Variants in HHIP observed in about 807,000 individuals in gnomAD.
HHIP encodes hedgehog interacting protein.
Under a neutral mutation model 74.0 loss-of-function variants are expected in HHIP, and 12 were observed. The ratio of observed to expected loss-of-function variants is 0.16; its 90% confidence interval spans 0.10 to 0.26. The LOEUF (loss-of-function observed/expected upper bound fraction) is 0.26. Ranked by LOEUF, HHIP falls within the 10% of genes least tolerant of loss-of-function variation. The probability of loss-of-function intolerance (pLI) is 1.00; values close to 1 mark genes in which losing one functional copy is unlikely to be tolerated. For synonymous variants in HHIP, 309 were observed against 311.6 expected, an observed-to-expected ratio of 0.99 and a Z score of 0.09; for missense variants, 788 against 845.0, an observed-to-expected ratio of 0.93 and a Z score of 0.84.
In HHIP at chr4:144,712,059, G is replaced by A. The variant is rs765459783; in HGVS notation, c.1411G>A (p.Gly471Arg). The change falls in exon 8 of 13, where the codon GGG (glycine) becomes AGG (arginine). Residue 471 changes from glycine (G) to arginine (R), a missense_variant. By Grantham distance (125) the Gly-to-Arg change is moderately radical. This residue lies in a region of HHIP where 343 missense variants were observed against 347.9 expected (regional missense o/e 0.99). Coordinates refer to ENST00000296575, the MANE Select transcript of HHIP (RefSeq NM_022475.3). Reference protein sequence around the residue: ...SSARILQIIKGKDYESEPSLL... With the variant: ...SSARILQIIKRKDYESEPSLL... ...AGCCAGAATTCTACAGATAATAAAGGGGAAAGATTATGGTATGTAGAGCAT... is the reference window on the plus strand; with the variant it reads ...AGCCAGAATTCTACAGATAATAAAGAGGAAAGATTATGGTATGTAGAGCAT... 4 of 1,612,816 alleles carry A rather than the reference G, an allele frequency of 2.5e-6. No homozygotes were observed. The highest frequency in any genetic ancestry group is 4.5e-5 in the East Asian group (2 of 44,854).
At chr4:144,737,645 A>G in intron 12 of HHIP, 119 bp from the exon 13 acceptor site, 1 of 786,880 alleles carries the variant, frequency 1.3e-6, no homozygotes, top group East Asian at 2.9e-5. Flanking sequence ...TTTTGTAACT[A>G]TCTCCCTCCT....
Position 144,724,773 on chromosome 4 carries a change from C to A in HHIP, c.1760+5817C>A, listed in dbSNP as rs17019668. 6.4e-3 allele frequency among the ~76,000 whole-genome samples: 950 copies of A among 149,576 alleles called. 9 individuals carry two copies. Among genetic ancestry groups the A allele is most frequent in the African/African-American group, 0.023 (923 of 40,890 alleles). Reference sequence around the variant, plus strand: ...AAATGTGACATATGACCACAGCATTCAAAGGAATTTTCTCTTTTATACTAA... The same window carrying A: ...AAATGTGACATATGACCACAGCATTAAAAGGAATTTTCTCTTTTATACTAA... On this transcript the variant is annotated intron_variant, in intron 11 of 12. Coordinates refer to ENST00000296575, the MANE Select transcript of HHIP (RefSeq NM_022475.3).
At chr4:144,723,360 T>C (rs1279042198) in intron 11 of HHIP, among the ~76,000 whole-genome samples, 1 of 152,140 alleles carries the variant, frequency 6.6e-6, no homozygotes. Context: ...ATGGCCCACT[T>C]ACTGCCCTTT....
intron 11 of HHIP, among the ~76,000 whole-genome samples, chr4:144,724,972 A>G (rs1295734875): frequency 7.9e-5 from 12 of 152,140 alleles, no homozygotes; most frequent in African/African-American, 2.9e-4. Context: ...TGAGACTTAT[A>G]TATTGAGTGA....
chr4:144,704,417 G>T (rs973421614), intron 4 of HHIP, among the ~76,000 whole-genome samples: 1 of 152,126 alleles, frequency 6.6e-6, no homozygotes, highest in Non-Finnish European at 1.5e-5. Flanking sequence ...TTTAGTAAAT[G>T]TCAAAAATGC....
At chr4:144,730,989 C>G (rs141483323) in intron 11 of HHIP, among the ~76,000 whole-genome samples, 1 of 152,054 alleles carries the variant, frequency 6.6e-6, no homozygotes, top group African/African-American at 2.4e-5. Context: ...TCTTAGCCTT[C>G]GGTTTATTTA....
intron 12 of HHIP, among the ~76,000 whole-genome samples, chr4:144,735,951 C>T (rs1318542754): frequency 2.6e-5 from 4 of 152,018 alleles, no homozygotes; most frequent in Non-Finnish European, 5.9e-5. Context: ...TAAAACTCAA[C>T]AGAAATTAAG....
At chr4:144,664,310 G>A (rs1728796506) in intron 4 of HHIP, among the ~76,000 whole-genome samples, 1 of 152,242 alleles carries the variant, frequency 6.6e-6, no homozygotes, top group African/African-American at 2.4e-5. Context: ...GGAAGTCACA[G>A]CAGCATGTGG....
intron 1 of HHIP, among the ~76,000 whole-genome samples, chr4:144,649,343 G>A (rs1011848268): frequency 3.3e-5 from 5 of 152,172 alleles, no homozygotes; most frequent in Admixed American, 3.3e-4. Context: ...TAGCAAACTA[G>A]GTAGGAATAT....
rs958744138 is a variant in HHIP, at chr4:144,744,692, C to G, written c.*6735C>G. 3 of 152,152 alleles carry G rather than the reference C, an allele frequency of 2.0e-5. No homozygotes were observed. Among genetic ancestry groups the G allele is most frequent in the Admixed American group, 6.5e-5 (1 of 15,272 alleles). The allele number at this position is 152,152 out of a possible 1,614,324, so 9.4% of individuals were successfully genotyped here. A position where few individuals can be genotyped will look rare whatever the true frequency, so the allele number is the denominator to read the frequency against. ...TTTAATCAATCTTCTATTATTCAAT[C>G]ATCTATCCATTTATTAATTCAACAA... On this transcript the variant is annotated 3_prime_UTR_variant, in exon 13 of 13. Coordinates refer to ENST00000296575, the MANE Select transcript of HHIP (RefSeq NM_022475.3).
At chr4:144,670,262 A>G (rs868053380) in intron 4 of HHIP, among the ~76,000 whole-genome samples, 1 of 151,862 alleles carries the variant, frequency 6.6e-6, no homozygotes, top group African/African-American at 2.4e-5. Context: ...CGAGTGCTCA[A>G]TCAGCCTGGC....
chr4:144,713,911 G>A (rs777343790), intron 8 of HHIP, among the ~76,000 whole-genome samples: 2 of 151,654 alleles, frequency 1.3e-5, no homozygotes, highest in Admixed American at 1.3e-4. Context: ...AAGTATTTTG[G>A]TTCAAAGTAA....
intron 12 of HHIP, among the ~76,000 whole-genome samples, chr4:144,735,936 A>G (rs551803937): frequency 1.3e-5 from 2 of 152,292 alleles, no homozygotes; most frequent in South Asian, 2.1e-4. Context: ...AGGAGTTATC[A>G]AAATTAAAAC....
intron 4 of HHIP, among the ~76,000 whole-genome samples, chr4:144,702,010 G>A (rs1730000645): frequency 6.6e-6 from 1 of 152,062 alleles, no homozygotes; most frequent in Admixed American, 6.6e-5. Context: ...AAATAGGGCT[G>A]AGTGTGGTGG....
intron 4 of HHIP, among the ~76,000 whole-genome samples, chr4:144,684,282 G>A (rs1204744773): frequency 4.1e-5 from 3 of 73,676 alleles, no homozygotes; most frequent in Admixed American, 4.6e-4. Flanking sequence ...TTTTTGAGAC[G>A]GAGTCTCGCT....
chr4:144,713,180 T>G (rs916665108), intron 8 of HHIP, among the ~76,000 whole-genome samples: 24 of 152,246 alleles, frequency 1.6e-4, no homozygotes, highest in Admixed American at 4.6e-4. Flanking sequence ...CTCTATGTGA[T>G]AGGCACTATC....
At chr4:144,656,484 T>C (rs2035900) in intron 2 of HHIP, among the ~76,000 whole-genome samples, 85,442 of 152,004 alleles carry the variant, frequency 0.56, 24,384 homozygotes, top group South Asian at 0.73. Flanking sequence ...AAATTGGAAT[T>C]GACCACCAGC....
rs191303170 is a variant in HHIP, at chr4:144,710,645, A to G, written c.1302-1305A>G. ...GCCTAGAACAGTGATTCTCAATGGG[A>G]TAATTTTACCCCCAGGGGACATTTG... On this transcript the variant is annotated intron_variant, in intron 7 of 12. Coordinates refer to ENST00000296575, the MANE Select transcript of HHIP (RefSeq NM_022475.3). Among the ~76,000 whole-genome samples the G allele has an allele frequency of 2.0e-4, 30 of 152,238 alleles. 1 individual carries two copies. The highest frequency in any genetic ancestry group is 1.5e-4 in the Non-Finnish European group (10 of 68,006).
intron 4 of HHIP, among the ~76,000 whole-genome samples, chr4:144,672,273 G>A (rs1391307364): frequency 1.3e-5 from 2 of 152,146 alleles, no homozygotes; most frequent in African/African-American, 2.4e-5. Context: ...TAGGTGCATC[G>A]TCTTTCTGTA....
Sources: allele counts gnomAD v4.1 joint callset (sites outside exome capture counted in the v4.1 genomes callset), GRCh38; gene constraint gnomAD v4.1.1; regional missense constraint gnomAD v4.1.1; transcripts MANE v1.5; gene names NCBI Gene and HGNC (gene_info 2026-07-23, HGNC 2026-07-21).